COL4A6: variants seen among roughly 807,000 people sequenced by gnomAD.
COL4A6 encodes collagen alpha-6(IV) chain.
A neutral mutation model predicts 126.7 loss-of-function variants in COL4A6; 59 were observed. The observed-to-expected ratio is 0.47, with a 90% CI of 0.38 to 0.58. The LOEUF is 0.58. COL4A6 is among the 20% of genes least tolerant of loss of function. The pLI, the probability that COL4A6 is intolerant of heterozygous loss-of-function variation, is 0.00. For missense variants in COL4A6, 1,285 were observed against 1,337.3 expected, an observed-to-expected ratio of 0.96 and a Z score of 0.61; for synonymous variants, 547 against 496.6, an observed-to-expected ratio of 1.10 and a Z score of -1.35.
At chrX:108,192,381 G>A (rs1327988464) in intron 18 of COL4A6, 92 bp downstream of exon 18, 6 of 605,333 alleles carry the variant, frequency 9.9e-6, no homozygotes, top group East Asian at 7.2e-5. Context: ...TTGGCTAGGT[G>A]TGTGCCCCGA....
rs1293873199 is a variant in COL4A6 at position 108,280,512 on chromosome X, G to A, written c.144+30236C>T. On this transcript the variant is annotated intron_variant, in intron 3 of 44. Coordinates refer to ENST00000334504, the MANE Select transcript of COL4A6 (RefSeq NM_033641.4). ...TTGTGGCAATAATCAATAGCTTACT[G>A]ACCAAAAAGAGTCCAGGACCAGATA... is the stretch of plus-strand genomic sequence containing the variant. Among the ~76,000 whole-genome samples, 9 of 111,588 alleles carry A rather than the reference G, an allele frequency of 8.1e-5. No individual in the cohort carries two copies. In the East Asian group the frequency reaches 1.1e-3, roughly 14 times the overall value.
At chrX:108,334,746 C>T (rs1410249044) in intron 2 of COL4A6, among the ~76,000 whole-genome samples, 1 of 111,427 alleles carries the variant, frequency 9.0e-6, no homozygotes, top group Non-Finnish European at 1.9e-5. Flanking sequence ...GGATCCGGGT[C>T]CAAATCTTGC....
intron 2 of COL4A6, among the ~76,000 whole-genome samples, chrX:108,338,778 C>T (rs1019120536): frequency 8.9e-6 from 1 of 111,916 alleles, no homozygotes; most frequent in Non-Finnish European, 1.9e-5. Flanking sequence ...ATTGGTTATA[C>T]CTTTGTAAAC....
intron 2 of COL4A6, among the ~76,000 whole-genome samples, chrX:108,395,202 T>C (rs1020954611): frequency 8.9e-6 from 1 of 111,841 alleles, no homozygotes; most frequent in Non-Finnish European, 1.9e-5. Flanking sequence ...TACCTTTTCC[T>C]AGCAAAGTTT....
chrX:108,382,870 C>A (rs778917519), intron 2 of COL4A6, among the ~76,000 whole-genome samples: 1 of 107,292 alleles, frequency 9.3e-6, no homozygotes, highest in East Asian at 2.9e-4. Context: ...ATCGCTTGAA[C>A]CCAGGAGGCA....
At chrX:108,391,726 A>G (rs60230070) in intron 2 of COL4A6, among the ~76,000 whole-genome samples, 8,201 of 111,698 alleles carry the variant, frequency 0.073, 664 homozygotes, top group African/African-American at 0.23. Flanking sequence ...TGTTTTTCCC[A>G]GTACAGTCTC....
At chrX:108,301,320 C>T (rs2147878714) in intron 3 of COL4A6, among the ~76,000 whole-genome samples, 1 of 112,351 alleles carries the variant, frequency 8.9e-6, no homozygotes, top group East Asian at 2.8e-4. Flanking sequence ...TTTCCTTAAG[C>T]TTGGAATTCA....
chrX:108,195,087 G>T lies in COL4A6; in HGVS notation c.943C>A (p.Gln315Lys), dbSNP rs2035170450. The change falls in exon 15 of 45, where the codon CAA becomes AAA. Residue 315 changes from glutamine (Q) to lysine (K), a missense_variant. Gln to Lys is a moderately conservative substitution (Grantham distance 53, BLOSUM62 1). Coordinates refer to ENST00000334504, the MANE Select transcript of COL4A6 (RefSeq NM_033641.4). Reference protein sequence around the residue: ...GSEGVQGPPGQQGKKGTLGFP... With the variant: ...GSEGVQGPPGKQGKKGTLGFP... ...AATGATATTAACCAAAATACCTGTT[G>T]CCCTGGAGGGCCTTGGACTCCTTCT... 2 of 1,202,720 alleles carry T rather than the reference G, an allele frequency of 1.7e-6. No individual in the cohort carries two copies. Among genetic ancestry groups the T allele is most frequent in the East Asian group, 5.9e-5 (2 of 33,725 alleles).
chrX:108,373,317 G>A (rs949935777), intron 2 of COL4A6, among the ~76,000 whole-genome samples: 4 of 111,839 alleles, frequency 3.6e-5, no homozygotes. Context: ...CTTTTCAGCC[G>A]TGAGGTCTAC....
At chrX:108,383,872 C>T (rs1302222397) in intron 2 of COL4A6, 6 of 490,830 alleles carry the variant, frequency 1.2e-5, no homozygotes, top group Non-Finnish European at 2.1e-5. Context: ...TGATGTGGAT[C>T]TCAATGTTGG....
chrX:108,169,861 C>A (rs2034247335), intron 36 of COL4A6, 84 bp downstream of exon 36: 1 of 956,290 alleles, frequency 1.0e-6, no homozygotes, highest in African/African-American at 1.9e-5. Context: ...ATGGGATACA[C>A]CACAGTCGAG....
chrX:108,299,233 C>T (rs1317289111), intron 3 of COL4A6, among the ~76,000 whole-genome samples: 2 of 111,749 alleles, frequency 1.8e-5, no homozygotes, highest in Non-Finnish European at 3.8e-5. Context: ...TGTGGCTTTT[C>T]TCTCTGTATA....
chrX:108,216,736 T>G (rs2148245774), intron 5 of COL4A6, among the ~76,000 whole-genome samples: 1 of 112,970 alleles, frequency 8.9e-6, no homozygotes, highest in Non-Finnish European at 1.9e-5. Flanking sequence ...TAGGAGGATC[T>G]GTTGTATTCC....
At chrX:108,432,194 T>C (rs2064185331) in intron 2 of COL4A6, among the ~76,000 whole-genome samples, 1 of 112,226 alleles carries the variant, frequency 8.9e-6, no homozygotes, top group Non-Finnish European at 1.9e-5. Flanking sequence ...TACATTTTCC[T>C]TTTGACCTAT....
chrX:108,421,848 T>C (rs756259599), intron 2 of COL4A6, among the ~76,000 whole-genome samples: 1 of 112,069 alleles, frequency 8.9e-6, no homozygotes, highest in East Asian at 2.8e-4. Context: ...TTCATTTGCA[T>C]TGGCAGTGTT....
intron 3 of COL4A6, among the ~76,000 whole-genome samples, chrX:108,264,744 C>A (rs1351924448): frequency 8.9e-6 from 1 of 111,746 alleles, no homozygotes; most frequent in African/African-American, 3.3e-5. Context: ...GTTTTTGCCT[C>A]TTGGTAACCT....
chrX:108,365,940 T>A (rs185708497), intron 2 of COL4A6, among the ~76,000 whole-genome samples: 16 of 110,784 alleles, frequency 1.4e-4, no homozygotes, highest in African/African-American at 5.2e-4. Flanking sequence ...AAAAAGAGTA[T>A]CTCCAGGAGA....
At chrX:108,214,896 T>C (rs189921757) in intron 5 of COL4A6, among the ~76,000 whole-genome samples, 4 of 112,685 alleles carry the variant, frequency 3.5e-5, no homozygotes, top group African/African-American at 1.3e-4. Flanking sequence ...ATCATTCTCA[T>C]ACAATTCATC....
chrX:108,409,231 A>T (rs2041277636), intron 2 of COL4A6, among the ~76,000 whole-genome samples: 2 of 112,126 alleles, frequency 1.8e-5, no homozygotes, highest in Middle Eastern at 4.6e-3. Flanking sequence ...TACCTTGGAT[A>T]GAAGTAACTT....
Sources: allele counts gnomAD v4.1 joint callset (sites outside exome capture counted in the v4.1 genomes callset), GRCh38; gene constraint gnomAD v4.1.1; transcripts MANE v1.5; gene names NCBI Gene and HGNC (gene_info 2026-07-23, HGNC 2026-07-21).